Variants in OSBPL5 observed in about 807,000 individuals in gnomAD.
OSBPL5 encodes oxysterol-binding protein-related protein 5.
A neutral mutation model predicts 111.2 loss-of-function variants in OSBPL5; 71 were observed. That is an observed-to-expected ratio of 0.64 (90% CI 0.53 to 0.78). OSBPL5 has a LOEUF of 0.78. OSBPL5 is among the 30% of genes least tolerant of loss of function. OSBPL5 has a pLI of 0.00. For synonymous variants in OSBPL5, 549 were observed against 513.9 expected, an observed-to-expected ratio of 1.07 and a Z score of -0.93; for missense variants, 1,210 against 1,189.3, an observed-to-expected ratio of 1.02 and a Z score of -0.26.
At chr11:3,115,978 T>C (rs2084240) in intron 7 of OSBPL5, among the ~76,000 whole-genome samples, 22,224 of 152,080 alleles carry the variant, frequency 0.15, 1,741 homozygotes, top group East Asian at 0.25. Context: ...TTTAAACCTT[T>C]AAAATTTGAC....
intron 7 of OSBPL5, among the ~76,000 whole-genome samples, chr11:3,119,095 C>T (rs1413993811): frequency 6.6e-6 from 1 of 151,956 alleles, no homozygotes; most frequent in South Asian, 2.1e-4. Flanking sequence ...CTGCAACTTC[C>T]ATCTCCCGGG....
chr11:3,129,151 T>G lies in OSBPL5; in HGVS notation c.-3A>C. 1 of 1,432,440 alleles carries G rather than the reference T, an allele frequency of 7.0e-7. No homozygotes were observed. Among genetic ancestry groups the G allele is most frequent in the South Asian group, 1.5e-5 (1 of 68,458 alleles). The allele number at this position is 1,432,440 out of a possible 1,614,324, so 88.7% of individuals were successfully genotyped here. A position where few individuals can be genotyped will look rare whatever the true frequency, so the allele number is the denominator to read the frequency against. On this transcript the variant is annotated 5_prime_UTR_variant, in exon 2 of 22. Coordinates refer to ENST00000263650, the MANE Select transcript of OSBPL5 (RefSeq NM_020896.4). ...CGGAGGAAGGCCTCCTCCTTCATGCTGTGGGCGCTCGGGGGCTTCTGGAAG... is the reference window on the plus strand; with the variant it reads ...CGGAGGAAGGCCTCCTCCTTCATGCGGTGGGCGCTCGGGGGCTTCTGGAAG...
In OSBPL5 at chr11:3,132,731, G is replaced by A. The variant is rs547748181; in HGVS notation, c.-21-3562C>T. The stretch of plus-strand genomic sequence containing the variant: ...CGGAGGCTTGGCCACTCTGGGAGTC[G>A]ATTCAGATTCTCCACGTAGCACTGG... On this transcript the variant is annotated intron_variant, in intron 1 of 21. Coordinates refer to ENST00000263650, the MANE Select transcript of OSBPL5 (RefSeq NM_020896.4). Among the ~76,000 whole-genome samples the A allele has an allele frequency of 5.3e-5, 8 of 152,312 alleles. No individual in the cohort carries two copies. In the South Asian group the frequency reaches 8.3e-4, roughly 16 times the overall value.
chr11:3,151,432 A>C (rs865798538), intron 1 of OSBPL5, among the ~76,000 whole-genome samples: 1 of 152,192 alleles, frequency 6.6e-6, no homozygotes, highest in Non-Finnish European at 1.5e-5. Context: ...AAGAAACTGC[A>C]GAAAAGTCCC....
rs752996351 is a variant in OSBPL5 at position 3,154,293 on chromosome 11, C to T, written c.-22+10923G>A. 1.3e-5 allele frequency among the ~76,000 whole-genome samples: 2 copies of T among 152,232 alleles called. No individual in the cohort carries two copies. The highest frequency in any genetic ancestry group is 2.9e-5 in the Non-Finnish European group (2 of 68,042). On this transcript the variant is annotated intron_variant, in intron 1 of 21. Transcript: ENST00000263650. This position sits in a 1 kb window ranked among gnomAD's most constrained non-coding sequence, Gnocchi z 4.9. ...CCTGCCAGTAGGTAGCAGGATGTGTCGTAGAGGGCTTGCTGACCCCAAACA... is the reference window on the plus strand; with the variant it reads ...CCTGCCAGTAGGTAGCAGGATGTGTTGTAGAGGGCTTGCTGACCCCAAACA...
chr11:3,117,600 T>G (rs993025233), intron 7 of OSBPL5, among the ~76,000 whole-genome samples: 5 of 152,236 alleles, frequency 3.3e-5, no homozygotes, highest in African/African-American at 1.2e-4. Flanking sequence ...GAGAAAAAAT[T>G]ATGTTTCAAA....
intron 1 of OSBPL5, among the ~76,000 whole-genome samples, chr11:3,148,405 G>C (rs1357983297): frequency 6.6e-6 from 1 of 152,232 alleles, no homozygotes; most frequent in Non-Finnish European, 1.5e-5. Flanking sequence ...CCCCTCCCAT[G>C]ACACGTACTT....
intron 1 of OSBPL5, among the ~76,000 whole-genome samples, chr11:3,133,041 C>G (rs1270003927): frequency 6.6e-6 from 1 of 152,220 alleles, no homozygotes; most frequent in Non-Finnish European, 1.5e-5. Flanking sequence ...GTCTCCAGGA[C>G]AGGGCAGGGT....
chr11:3,100,361 G>A (rs978649340), intron 13 of OSBPL5, 105 bp from the exon 14 acceptor site: 10 of 914,422 alleles, frequency 1.1e-5, no homozygotes, highest in African/African-American at 9.8e-5. Context: ...AGCTGAACAC[G>A]CTCCTGGCAC....
intron 15 of OSBPL5, 131 bp downstream of exon 15, chr11:3,094,106 G>A (rs967349435): frequency 4.1e-5 from 37 of 897,546 alleles, no homozygotes; most frequent in Non-Finnish European, 6.1e-5. Context: ...GTTCCGGGAT[G>A]TCAACAGCTG....
rs374070869 is a variant in OSBPL5 at position 3,092,472 on chromosome 11, C to T, written c.2219G>A (p.Arg740His). 54 of 1,574,428 alleles carry T rather than the reference C, an allele frequency of 3.4e-5. No individual in the cohort carries two copies. The highest frequency in any genetic ancestry group is 9.5e-5 in the African/African-American group (7 of 74,022). Reference sequence around the variant, plus strand: ...TGGGCTGCCCAGGAAGGTGGTCTGGCGGGCCACGGCCTCCTGCTGCAAGGT... The same window carrying T: ...TGGGCTGCCCAGGAAGGTGGTCTGGTGGGCCACGGCCTCCTGCTGCAAGGT... ...LRTLQQEAVA[R>H]QTTFLGSPGP... The change falls in exon 19 of 22, where the codon CGC becomes CAC. Residue 740 changes from arginine to histidine, a missense_variant. Transcript: ENST00000263650. This position sits in a 1 kb window ranked among gnomAD's most constrained non-coding sequence, Gnocchi z 5.4.
chr11:3,137,820 C>T (rs954734621), intron 1 of OSBPL5, among the ~76,000 whole-genome samples: 5 of 152,228 alleles, frequency 3.3e-5, no homozygotes, highest in African/African-American at 1.2e-4. Flanking sequence ...CACAAACACA[C>T]TGGGACCCCA....
At chr11:3,118,570 ATTTT>A (rs143316664) in intron 7 of OSBPL5, among the ~76,000 whole-genome samples, 1 of 124,136 alleles carries the variant, frequency 8.1e-6, no homozygotes. Context: ...AAAATAAACT[ATTTT>A]TTTTTTTTTT....
intron 1 of OSBPL5, among the ~76,000 whole-genome samples, chr11:3,160,533 CTG>C (rs1258537144): frequency 6.6e-6 from 1 of 152,066 alleles, no homozygotes; most frequent in African/African-American, 2.4e-5. Context: ...TTAGTTGACT[CTG>C]TCTTATTCGC....
chr11:3,151,728 T>C (rs574672470), intron 1 of OSBPL5, among the ~76,000 whole-genome samples: 7 of 152,368 alleles, frequency 4.6e-5, no homozygotes, highest in African/African-American at 1.7e-4. Flanking sequence ...GAATGGTCCA[T>C]GACTCGGCAG....
chr11:3,105,775 T>C lies in OSBPL5; in HGVS notation c.1060-1398A>G, dbSNP rs1267379888. Among the ~76,000 whole-genome samples, 1 of 152,158 alleles carries C rather than the reference T, an allele frequency of 6.6e-6. No individual in the cohort carries two copies. The highest frequency in any genetic ancestry group is 2.4e-5 in the African/African-American group (1 of 41,440). ...CCGGGCCCCTTGGCTGCCCGCTCCA[T>C]GCCCTCTGCCCGGAGCCCCAGGCTC... On this transcript the variant is annotated intron_variant, in intron 9 of 21. Coordinates refer to ENST00000263650, the MANE Select transcript of OSBPL5 (RefSeq NM_020896.4). This position sits in a 1 kb window ranked among gnomAD's most constrained non-coding sequence, Gnocchi z 5.2.
At chr11:3,115,873 C>CTTTTTTTT (rs369499437) in intron 7 of OSBPL5, among the ~76,000 whole-genome samples, 5 of 144,034 alleles carry the variant, frequency 3.5e-5, no homozygotes, top group South Asian at 2.2e-4. Context: ...AGGCTTTTGC[C>CTTTTTTTT]TTTTTTTTTT....
chr11:3,090,863 C>A, intron 19 of OSBPL5, 167 bp from the exon 20 acceptor site: 1 of 872,484 alleles, frequency 1.1e-6, no homozygotes, highest in Non-Finnish European at 1.7e-6. Flanking sequence ...TCAGCCCCGG[C>A]ATGGCCTGGA....
rs1402586837 is a variant in OSBPL5 at position 3,092,033 on chromosome 11, T to C, written c.2259+399A>G. Among the ~76,000 whole-genome samples, 1 of 152,044 alleles carries C rather than the reference T, an allele frequency of 6.6e-6. No homozygotes were observed. The highest frequency in any genetic ancestry group is 2.4e-5 in the African/African-American group (1 of 41,402). ...GGTTACTCCCTGGAGCCTCCTGCTG[T>C]CCCGCTTCCCCTTTCCAGACACAAG... On this transcript the variant is annotated intron_variant, in intron 19 of 21. Coordinates refer to ENST00000263650, the MANE Select transcript of OSBPL5 (RefSeq NM_020896.4). The surrounding 1 kb of genome is among the most constrained non-coding windows in gnomAD (Gnocchi z 5.4).
Sources: allele counts gnomAD v4.1 joint callset (sites outside exome capture counted in the v4.1 genomes callset), GRCh38; gene constraint gnomAD v4.1.1; non-coding constraint Gnocchi (gnomAD v3.1); transcripts MANE v1.5; gene names NCBI Gene and HGNC (gene_info 2026-07-23, HGNC 2026-07-21).